Variants in WDR25 observed in about 807,000 individuals in gnomAD.
WDR25 encodes WD repeat domain 25.
WDR25 carries 35 observed loss-of-function variants against 47.7 expected under a neutral mutation model. The observed-to-expected ratio is 0.73, with a 90% confidence interval of 0.56 to 0.97. The LOEUF (loss-of-function observed/expected upper bound fraction) is 0.97, where lower values mean the gene tolerates loss of function less well. WDR25 is among the 50% of genes least tolerant of loss of function. WDR25 has a pLI of 0.00. For missense variants in WDR25, 634 were observed against 704.7 expected (o/e 0.90, Z 1.14); for synonymous variants, 248 against 278.9 (o/e 0.89, Z 1.10).
chr14:100,408,156 C>T (rs965993193), intron 2 of WDR25, among the ~76,000 whole-genome samples: 2 of 152,128 alleles, frequency 1.3e-5, no homozygotes, highest in East Asian at 3.9e-4. Flanking sequence ...GTGCGTGAAG[C>T]GGTGTGTAAA....
rs146908690 is a variant in WDR25, at chr14:100,502,901, G to T, written c.1101+18777G>T. ...GTAGGCACTAAAGGGCACAACATAT[G>T]AGGGAATGGTGAGGGTTTTTTGTTG... On this transcript the variant is annotated intron_variant, in intron 4 of 6. Transcript: ENST00000402312. The surrounding 1 kb of genome is among the most constrained non-coding windows in gnomAD (Gnocchi z 4.5). Among the ~76,000 whole-genome samples the T allele has an allele frequency of 3.9e-4, 60 of 152,230 alleles. No individual in the cohort carries two copies. The highest frequency in any genetic ancestry group is 6.8e-3 in the Middle Eastern group (2 of 294).
At chr14:100,484,198 T>A in intron 4 of WDR25, 74 bp downstream of exon 4, 3 of 1,533,770 alleles carry the variant, frequency 2.0e-6, no homozygotes, top group Non-Finnish European at 2.6e-6. Flanking sequence ...TGGGGGCAGG[T>A]CAGCATCTAT....
chr14:100,502,224 G>C lies in WDR25; in HGVS notation c.1101+18100G>C, dbSNP rs1177352477. ...GTGGTGGCCCTTGCCCTCCCACTCA[G>C]CTCTGAGCCTGATGTCATCCACCTC... is the stretch of plus-strand genomic sequence containing the variant. On this transcript the variant is annotated intron_variant, in intron 4 of 6. Transcript: ENST00000402312. The surrounding 1 kb of genome is among the most constrained non-coding windows in gnomAD (Gnocchi z 4.5). 2.0e-5 allele frequency among the ~76,000 whole-genome samples: 3 copies of C among 152,284 alleles called. No individual in the cohort carries two copies. In the East Asian group the frequency reaches 5.8e-4, roughly 29 times the overall value.
chr14:100,376,763 T>C (rs549399907), intron 1 of WDR25: 1 of 1,229,078 alleles, frequency 8.1e-7, no homozygotes, highest in Admixed American at 4.2e-5. Flanking sequence ...CTGTGTTTTG[T>C]GTTTGATTTC....
intron 2 of WDR25, among the ~76,000 whole-genome samples, chr14:100,459,178 A>G (rs1056678630): frequency 6.6e-6 from 1 of 152,204 alleles, no homozygotes; most frequent in Non-Finnish European, 1.5e-5. Flanking sequence ...TAATATTAGG[A>G]ATGAGAGAAG....
At chr14:100,474,259 A>G (rs1435726110) in intron 3 of WDR25, among the ~76,000 whole-genome samples, 3 of 152,206 alleles carry the variant, frequency 2.0e-5, no homozygotes, top group Non-Finnish European at 4.4e-5. Context: ...TGGAGTGAGA[A>G]GCTGACCCTA....
At chr14:100,456,765 C>G (rs1242378507) in intron 2 of WDR25, among the ~76,000 whole-genome samples, 1 of 151,996 alleles carries the variant, frequency 6.6e-6, no homozygotes, top group African/African-American at 2.4e-5. Flanking sequence ...TTCAGGTTCA[C>G]CCAATATATG....
chr14:100,480,382 G>C (rs967308226), intron 3 of WDR25, among the ~76,000 whole-genome samples: 1 of 152,152 alleles, frequency 6.6e-6, no homozygotes, highest in Non-Finnish European at 1.5e-5. Context: ...AAGAGGTATA[G>C]ATTCTTCATT....
rs1266914109 is a variant in WDR25, at chr14:100,424,984, C to G, written c.823-43037C>G. Among the ~76,000 whole-genome samples, 1 of 152,168 alleles carries G rather than the reference C, an allele frequency of 6.6e-6. No individual in the cohort carries two copies. The highest frequency in any genetic ancestry group is 2.4e-5 in the African/African-American group (1 of 41,426). ...CTCGTGGCTTCCCCATGAAGCATCT[C>G]TTGGGTCTGTCTGTTTCTCTCTTCA... On this transcript the variant is annotated intron_variant, in intron 2 of 6. Transcript: ENST00000402312. The surrounding 1 kb of genome is among the most constrained non-coding windows in gnomAD (Gnocchi z 4.2).
intron 4 of WDR25, among the ~76,000 whole-genome samples, chr14:100,514,616 G>A (rs1901431495): frequency 6.6e-6 from 1 of 151,890 alleles, no homozygotes; most frequent in South Asian, 2.1e-4. Context: ...GAACCTTAGA[G>A]CAGTATTCAG....
At chr14:100,387,156 A>G (rs1036506152) in intron 2 of WDR25, among the ~76,000 whole-genome samples, 2 of 151,976 alleles carry the variant, frequency 1.3e-5, no homozygotes, top group African/African-American at 4.8e-5. Flanking sequence ...TAGAGCTGAA[A>G]TGAGAAGATC....
intron 2 of WDR25, among the ~76,000 whole-genome samples, chr14:100,464,475 T>C (rs981194420): frequency 1.3e-5 from 2 of 152,228 alleles, no homozygotes; most frequent in African/African-American, 4.8e-5. Context: ...TTGTCTTATT[T>C]GTTTCCTGTT....
In WDR25 at chr14:100,488,762, T is replaced by G. The variant is rs553436824; in HGVS notation, c.1101+4638T>G. Among the ~76,000 whole-genome samples the G allele has an allele frequency of 6.6e-6, 1 of 152,318 alleles. No individual in the cohort carries two copies. The highest frequency in any genetic ancestry group is 1.5e-5 in the Non-Finnish European group (1 of 68,024). ...CCTCTGAAGTTAAAAGTCCCTTGCT[T>G]CTCTCATTTGAACCTTATCCTCAAT... is the stretch of plus-strand genomic sequence containing the variant. On this transcript the variant is annotated intron_variant, in intron 4 of 6. Transcript: ENST00000402312. This position sits in a 1 kb window ranked among gnomAD's most constrained non-coding sequence, Gnocchi z 4.2.
chr14:100,412,548 T>C (rs1897742471), intron 2 of WDR25, among the ~76,000 whole-genome samples: 1 of 152,370 alleles, frequency 6.6e-6, no homozygotes, highest in Admixed American at 6.5e-5. Flanking sequence ...GCGTCTACGT[T>C]AATAAGTTAA....
At chr14:100,469,480 C>T (rs1482046251) in intron 3 of WDR25, among the ~76,000 whole-genome samples, 3 of 152,218 alleles carry the variant, frequency 2.0e-5, no homozygotes, top group Non-Finnish European at 4.4e-5. Context: ...AAGCAGCTTG[C>T]TCAGTGCCTC....
At chr14:100,384,015 C>T (rs1164760449) in intron 2 of WDR25, among the ~76,000 whole-genome samples, 3 of 152,360 alleles carry the variant, frequency 2.0e-5, no homozygotes, top group South Asian at 2.1e-4. Context: ...CAGCTGTGCC[C>T]GCCTGTCCCG....
intron 4 of WDR25, among the ~76,000 whole-genome samples, chr14:100,485,013 A>C (rs1393319592): frequency 2.6e-5 from 4 of 152,184 alleles, no homozygotes; most frequent in Non-Finnish European, 1.5e-5. Flanking sequence ...CACAAGGCCT[A>C]AATGATCCTC....
chr14:100,446,865 A>G lies in WDR25; in HGVS notation c.823-21156A>G, dbSNP rs142698089. On this transcript the variant is annotated intron_variant, in intron 2 of 6. Coordinates refer to ENST00000402312, the MANE Select transcript of WDR25 (RefSeq NM_001161476.3). ...GCTGCTGTCAGCACCGCATGGATGCAGGGATTCCTGGCTGTTAGTTACATG... is the reference window on the plus strand; with the variant it reads ...GCTGCTGTCAGCACCGCATGGATGCGGGGATTCCTGGCTGTTAGTTACATG... Among the ~76,000 whole-genome samples the G allele has an allele frequency of 2.9e-3, 441 of 152,330 alleles. 1 individual carries two copies. The highest frequency in any genetic ancestry group is 5.1e-3 in the Non-Finnish European group (348 of 68,032).
Position 100,499,640 on chromosome 14 carries a change from G to A in WDR25, c.1101+15516G>A, listed in dbSNP as rs1307075611. The stretch of plus-strand genomic sequence containing the variant: ...GAGATGGGCTGGAGGTGGGGTGGTG[G>A]CTGAGGGAGCAGGGTGGGTATAGGG... On this transcript the variant is annotated intron_variant, in intron 4 of 6. Coordinates refer to ENST00000402312, the MANE Select transcript of WDR25 (RefSeq NM_001161476.3). The surrounding 1 kb of genome is among the most constrained non-coding windows in gnomAD (Gnocchi z 4.4). Among the ~76,000 whole-genome samples the A allele has an allele frequency of 6.6e-6, 1 of 152,080 alleles. No homozygotes were observed. Among genetic ancestry groups the A allele is most frequent in the African/African-American group, 2.4e-5 (1 of 41,400 alleles).
Sources: allele counts gnomAD v4.1 joint callset (sites outside exome capture counted in the v4.1 genomes callset), GRCh38; gene constraint gnomAD v4.1.1; non-coding constraint Gnocchi (gnomAD v3.1); transcripts MANE v1.5; gene names NCBI Gene and HGNC (gene_info 2026-07-23, HGNC 2026-07-21).